Variants in CACNA1A observed in about 807,000 individuals in gnomAD.
The protein encoded by CACNA1A is voltage-dependent P/Q-type calcium channel subunit alpha-1A.
Under a neutral mutation model 262.4 loss-of-function variants are expected in CACNA1A, and 57 were observed. The observed-to-expected ratio is 0.22, with a 90% CI of 0.18 to 0.27. The LOEUF is 0.27. CACNA1A is among the 10% of genes least tolerant of loss of function. The probability of loss-of-function intolerance (pLI) is 1.00; values close to 1 mark genes in which losing one functional copy is unlikely to be tolerated. For missense variants in CACNA1A, 2,526 were observed against 3,562.8 expected (o/e 0.71, Z 7.41); for synonymous variants, 1,431 against 1,419.3 (o/e 1.01, Z -0.18).
Position 13,212,848 on chromosome 19 carries a change from A to ACACC in CACNA1A, c.5941-109_5941-108insGGTG. 5.5e-6 allele frequency: 3 copies of ACACC among 542,124 alleles called. No homozygotes were observed. Among genetic ancestry groups the ACACC allele is most frequent in the South Asian group, 2.9e-5 (1 of 33,994 alleles). 33.6% of individuals were successfully genotyped at this position (542,124 alleles called of 1,614,324 possible). Reference sequence around the variant, plus strand: ...AGTATACACACACACACACACACACACTCTCTCAGGTCTCATCCATCTAGA... The same window carrying ACACC: ...AGTATACACACACACACACACACACACACCCTCTCTCAGGTCTCATCCATCTAGA... On this transcript the variant is annotated intron_variant, in intron 40 of 46. Transcript: ENST00000360228. This position sits in a 1 kb window ranked among gnomAD's most constrained non-coding sequence, Gnocchi z 5.6.
intron 3 of CACNA1A, among the ~76,000 whole-genome samples, chr19:13,427,662 T>C (rs747777232): frequency 6.6e-6 from 1 of 152,056 alleles, no homozygotes; most frequent in Non-Finnish European, 1.5e-5. Context: ...ACAACCCTTT[T>C]AGGATTCTTT....
chr19:13,408,661 G>T (rs2060055621), intron 3 of CACNA1A, among the ~76,000 whole-genome samples: 1 of 152,188 alleles, frequency 6.6e-6, no homozygotes, highest in Non-Finnish European at 1.5e-5. Flanking sequence ...AGCTGAGCTG[G>T]TTCACAGGTG....
At chr19:13,393,196 A>G (rs1425613924) in intron 3 of CACNA1A, among the ~76,000 whole-genome samples, 2 of 152,224 alleles carry the variant, frequency 1.3e-5, no homozygotes, top group Non-Finnish European at 2.9e-5. Context: ...GTGTGTTCAA[A>G]GTAGCTTTCT....
chr19:13,411,953 C>T (rs1267882510), intron 3 of CACNA1A, among the ~76,000 whole-genome samples: 2 of 151,806 alleles, frequency 1.3e-5, no homozygotes, highest in Non-Finnish European at 2.9e-5. Flanking sequence ...TGGGCTCAAG[C>T]GGCCTTCCCC....
intron 3 of CACNA1A, among the ~76,000 whole-genome samples, chr19:13,408,638 T>C (rs114818821): frequency 0.043 from 6,500 of 152,312 alleles, 221 homozygotes; most frequent in South Asian, 0.1. Context: ...TTGCAATCAT[T>C]CTCACAGATG....
chr19:13,206,518 T>TCAAA lies in CACNA1A; in HGVS notation c.*791_*794dup, dbSNP rs1403721509. On this transcript the variant is annotated 3_prime_UTR_variant, in exon 47 of 47. Transcript: ENST00000360228. The stretch of plus-strand genomic sequence containing the variant: ...ATTCACAGTCCCAAGCCCACGGTTT[T>TCAAA]CAAACAAGGTAGGAAAAAAGGAAAA... The TCAAA allele has an allele frequency of 2.0e-5, 3 of 152,988 alleles. No individual in the cohort carries two copies. The highest frequency in any genetic ancestry group is 7.2e-5 in the African/African-American group (3 of 41,558). 9.5% of individuals were successfully genotyped at this position (152,988 alleles called of 1,614,324 possible). A position where few individuals can be genotyped will look rare whatever the true frequency, so the allele number is the denominator to read the frequency against.
At chr19:13,283,658 GTATC>G (rs1431411926) in intron 21 of CACNA1A, 2 of 371,532 alleles carry the variant, frequency 5.4e-6, no homozygotes, top group Non-Finnish European at 1.0e-5. Context: ...CCCTCTTGAA[GTATC>G]TTGATCCCCA....
chr19:13,306,053 C>T lies in CACNA1A; in HGVS notation c.1986+1729G>A, dbSNP rs1454644124. 2.7e-5 allele frequency among the ~76,000 whole-genome samples: 3 copies of T among 111,968 alleles called. 1 individual carries two copies. Among genetic ancestry groups the T allele is most frequent in the African/African-American group, 1.1e-4 (3 of 26,806 alleles). 73.5% of individuals were successfully genotyped at this position (111,968 alleles called of 152,430 possible). ...CCAGCCTGGGCAACAGAGCGAGACT[C>T]CATCTCAAAAAAAAAAAAAAAATCG... On this transcript the variant is annotated intron_variant, in intron 15 of 46. Transcript: ENST00000360228.
At position 13,414,295 on chromosome 19, in the gene CACNA1A, G is replaced by T. The variant is rs558921629; in HGVS notation, c.539+38581C>A. 5.9e-5 allele frequency among the ~76,000 whole-genome samples: 9 copies of T among 152,294 alleles called. No homozygotes were observed. The South Asian group carries it at 1.9e-3, about 32-fold the overall frequency. On this transcript the variant is annotated intron_variant, in intron 3 of 46. Transcript: ENST00000360228. ...TGCCTGTGGTCCCAGCTACTCAGAA[G>T]GCTGAGGCAGGAGGATTGCTTGAGC...
chr19:13,324,593 A>C (rs1394927836), intron 10 of CACNA1A, among the ~76,000 whole-genome samples: 1 of 152,166 alleles, frequency 6.6e-6, no homozygotes, highest in Non-Finnish European at 1.5e-5. Context: ...CAAATAAATT[A>C]ATAAAAAATC....
In CACNA1A at chr19:13,365,587, C is replaced by T. The variant is rs17846904; in HGVS notation, c.632-118G>A. On this transcript the variant is annotated intron_variant, in intron 4 of 46. Transcript: ENST00000360228. ...GGTGTGTTCCTGAGGGAACATTAAG[C>T]ACCCAGGAGCCTGGGGATTGGGCAA... 1.6e-4 allele frequency: 130 copies of T among 799,524 alleles called. No homozygotes were observed. The East Asian group carries it at 3.0e-3, about 18-fold the overall frequency. 49.5% of individuals were successfully genotyped at this position (799,524 alleles called of 1,614,324 possible). A position where few individuals can be genotyped will look rare whatever the true frequency, so the allele number is the denominator to read the frequency against.
At chr19:13,346,668 T>A (rs865802883) in intron 6 of CACNA1A, among the ~76,000 whole-genome samples, 45 of 10,656 alleles carry the variant, frequency 4.2e-3, no homozygotes, top group East Asian at 7.9e-3. Context: ...ATATATATAT[T>A]TTTTTTTTTT....
At chr19:13,245,959 A>G (rs1472468121) in intron 30 of CACNA1A, among the ~76,000 whole-genome samples, 1 of 152,170 alleles carries the variant, frequency 6.6e-6, no homozygotes, top group Non-Finnish European at 1.5e-5. Flanking sequence ...GGCGTGAGCC[A>G]CCACTCCCAG....
At chr19:13,277,664 A>C (rs1291264079) in intron 22 of CACNA1A, 1 of 156,106 alleles carries the variant, frequency 6.4e-6, no homozygotes, top group African/African-American at 2.4e-5. Flanking sequence ...CCCAGGCCTG[A>C]TGTTTCTGCC....
Position 13,276,697 on chromosome 19 carries a change from C to CTTT in CACNA1A, c.3882+369_3882+371dup, listed in dbSNP as rs33970596. 1.7e-3 allele frequency among the ~76,000 whole-genome samples: 216 copies of CTTT among 125,398 alleles called. 13 individuals carry two copies. Among genetic ancestry groups the CTTT allele is most frequent in the South Asian group, 8.5e-3 (32 of 3,764 alleles). The allele number at this position is 125,398 out of a possible 152,430, so 82.3% of individuals were successfully genotyped here. On this transcript the variant is annotated intron_variant, in intron 23 of 46. Coordinates refer to ENST00000360228, the MANE Select transcript of CACNA1A (RefSeq NM_001127222.2). The stretch of plus-strand genomic sequence containing the variant: ...CTCAGGATCTCCTGGAATCCCAGCT[C>CTTT]TTTTTTTTTTTTTTTTTTTTGACAG...
intron 10 of CACNA1A, among the ~76,000 whole-genome samples, chr19:13,317,547 G>A (rs2058152364): frequency 6.6e-6 from 1 of 152,164 alleles, no homozygotes. Flanking sequence ...ACCAATTGAT[G>A]GGAAGGCTGA....
At chr19:13,312,328 T>C (rs1600302648) in intron 12 of CACNA1A, among the ~76,000 whole-genome samples, 1 of 152,200 alleles carries the variant, frequency 6.6e-6, no homozygotes, top group Non-Finnish European at 1.5e-5. Flanking sequence ...AGAAATCATA[T>C]TGATGTCCTG....
At chr19:13,503,971 G>A (rs539901797) in intron 1 of CACNA1A, among the ~76,000 whole-genome samples, 1 of 152,170 alleles carries the variant, frequency 6.6e-6, no homozygotes, top group East Asian at 1.9e-4. Flanking sequence ...CAATCTGCAG[G>A]ATTCAGGCTG....
rs575649635 is a variant in CACNA1A, at chr19:13,213,233, C to A, written c.5941-493G>T. Among the ~76,000 whole-genome samples the A allele has an allele frequency of 2.6e-5, 4 of 152,324 alleles. No individual in the cohort carries two copies. The East Asian group carries it at 7.7e-4, about 29-fold the overall frequency. ...TTTGCTGTTACCCAAACAACCCAGG[C>A]ACGGTCCAGCCTCAGAGCCTTTGCA... On this transcript the variant is annotated intron_variant, in intron 40 of 46. Transcript: ENST00000360228.
Sources: allele counts gnomAD v4.1 joint callset (sites outside exome capture counted in the v4.1 genomes callset), GRCh38; gene constraint gnomAD v4.1.1; non-coding constraint Gnocchi (gnomAD v3.1); transcripts MANE v1.5; gene names NCBI Gene and HGNC (gene_info 2026-07-23, HGNC 2026-07-21).